The following IL1R2 variants were observed in gnomAD, a reference collection of about 807,000 sequenced individuals.
IL1R2 encodes interleukin 1 receptor type 2.
Under a neutral mutation model 39.5 loss-of-function variants are expected in IL1R2, and 46 were observed. The observed-to-expected ratio is 1.16, with a 90% CI of 0.92 to 1.49. IL1R2 has a LOEUF of 1.49. Ranked by LOEUF, IL1R2 falls within the 40% of genes most tolerant of loss-of-function variation. The pLI, the probability that IL1R2 is intolerant of heterozygous loss-of-function variation, is 0.00. For missense variants in IL1R2, 537 were observed against 502.0 expected, an observed-to-expected ratio of 1.07 and a Z score of -0.67; for synonymous variants, 207 against 189.6, an observed-to-expected ratio of 1.09 and a Z score of -0.75.
At chr2:102,025,508 A>G (rs1236456076) in intron 7 of IL1R2, among the ~76,000 whole-genome samples, 3 of 152,202 alleles carry the variant, frequency 2.0e-5, no homozygotes, top group Non-Finnish European at 2.9e-5. Context: ...CCCCCTACAA[A>G]TAGAACAAAA....
At chr2:102,002,732 A>T (rs111207470) in intron 1 of IL1R2, among the ~76,000 whole-genome samples, 1 of 151,270 alleles carries the variant, frequency 6.6e-6, no homozygotes, top group Non-Finnish European at 1.5e-5. Flanking sequence ...GCCTATGCCT[A>T]TGTCTATGTC....
rs369088604 is a variant in IL1R2, at chr2:102,024,574, G to A, written c.793G>A (p.Gly265Ser). The change falls in exon 7 of 9, where the codon GGC becomes AGC. Residue 265 changes from glycine to serine, a missense_variant. Transcript: ENST00000332549. ...TIPCKVFLGT[G>S]TPLTTMLWWT... is the part of the protein sequence containing the mutation. The stretch of plus-strand genomic sequence containing the variant: ...CCCGTGTAAGGTGTTTCTGGGAACC[G>A]GCACACCCTTAACCACCATGCTGTG... The A allele has an allele frequency of 2.0e-5, 33 of 1,613,880 alleles. No individual in the cohort carries two copies. Among genetic ancestry groups the A allele is most frequent in the African/African-American group, 4.0e-5 (3 of 74,850 alleles).
intron 1 of IL1R2, among the ~76,000 whole-genome samples, chr2:101,998,813 C>G (rs539073918): frequency 1.1e-4 from 17 of 152,316 alleles, no homozygotes; most frequent in African/African-American, 3.1e-4. Flanking sequence ...GAAGCAAGCA[C>G]CCCTTGGAAA....
chr2:101,999,612 C>G (rs748921639), intron 1 of IL1R2, among the ~76,000 whole-genome samples: 1 of 152,186 alleles, frequency 6.6e-6, no homozygotes, highest in Non-Finnish European at 1.5e-5. Context: ...TGCAAGAGAC[C>G]TGGGAGGTCT....
intron 3 of IL1R2, 33 bp downstream of exon 3, chr2:102,009,859 T>A (rs1676510614): frequency 1.2e-6 from 2 of 1,607,262 alleles, no homozygotes; most frequent in East Asian, 4.5e-5. Flanking sequence ...GGGGAGGGGA[T>A]CCTGGCAGGA....
chr2:102,013,554 G>GAAAAAAAAAAAAAAAAAA (rs1577711343), intron 3 of IL1R2, among the ~76,000 whole-genome samples: 14 of 31,660 alleles, frequency 4.4e-4, no homozygotes, highest in South Asian at 1.1e-3. Context: ...AAAAAAAAAG[G>GAAAAAAAAAAAAAAAAAA]AAAGAAAGAA....
chr2:102,005,447 C>T (rs905851608), intron 1 of IL1R2, among the ~76,000 whole-genome samples: 2 of 152,178 alleles, frequency 1.3e-5, no homozygotes, highest in African/African-American at 4.8e-5. Context: ...TGGGAATAGG[C>T]TTGGCTGTGC....
In IL1R2 at chr2:102,019,801, T is replaced by C. The variant is rs1677249018; in HGVS notation, c.677T>C (p.Leu226Pro). Residue 226 changes from leucine to proline, a missense_variant, in exon 5 of 9, where the codon CTA becomes CCA. By Grantham distance (98) the Leu-to-Pro change is moderately conservative. Transcript: ENST00000332549. Reference sequence around the variant, plus strand: ...TACAACATCACTAGGAGTATTGAGCTACGCATCAAGAGTAAGTACTTGCCA... The same window carrying C: ...TACAACATCACTAGGAGTATTGAGCCACGCATCAAGAGTAAGTACTTGCCA... Reference protein sequence around the residue: ...QQYNITRSIELRIKKKKEETI... With the variant: ...QQYNITRSIEPRIKKKKEETI... 3.1e-6 allele frequency: 5 copies of C among 1,613,684 alleles called. No individual in the cohort carries two copies. The highest frequency in any genetic ancestry group is 4.2e-6 in the Non-Finnish European group (5 of 1,179,804).
At chr2:102,005,181 G>A (rs972875598) in intron 1 of IL1R2, among the ~76,000 whole-genome samples, 2 of 152,174 alleles carry the variant, frequency 1.3e-5, no homozygotes, top group Non-Finnish European at 2.9e-5. Flanking sequence ...TTTAAACATG[G>A]TTACAAACCT....
At position 102,019,678 on chromosome 2, in the gene IL1R2, G is replaced by A. The variant is rs757725278; in HGVS notation, c.554G>A (p.Ser185Asn). The A allele has an allele frequency of 6.2e-7, 1 of 1,613,798 alleles. No individual in the cohort carries two copies. Among genetic ancestry groups the A allele is most frequent in the South Asian group, 1.1e-5 (1 of 91,018 alleles). The change falls in exon 5 of 9, where the codon AGT (serine) becomes AAT (asparagine). Residue 185 changes from serine to asparagine, a missense_variant. Ser to Asn is a conservative substitution (Grantham distance 46, BLOSUM62 1). Transcript: ENST00000332549. ...GATAAAGACAATGAGAAATTTCTAA[G>A]TGTGAGGGGGACCACTCACTTACTC... ...LLDKDNEKFL[S>N]VRGTTHLLVH... is the part of the protein sequence containing the mutation.
At chr2:102,005,859 G>A (rs1232202273) in intron 1 of IL1R2, among the ~76,000 whole-genome samples, 1 of 152,206 alleles carries the variant, frequency 6.6e-6, no homozygotes, top group Non-Finnish European at 1.5e-5. Flanking sequence ...CATAGAAGGT[G>A]TATTTTCAAA....
chr2:102,027,233 C>T (rs923626241), intron 8 of IL1R2, among the ~76,000 whole-genome samples: 1 of 152,186 alleles, frequency 6.6e-6, no homozygotes, highest in Non-Finnish European at 1.5e-5. Flanking sequence ...TGAGGGCACA[C>T]ATGTGAAGGG....
At chr2:102,020,052 A>T (rs971967284) in intron 5 of IL1R2, among the ~76,000 whole-genome samples, 10 of 152,202 alleles carry the variant, frequency 6.6e-5, no homozygotes, top group African/African-American at 2.2e-4. Context: ...GGGTTGCAAG[A>T]TGAAGGCTAA....
In IL1R2 at chr2:102,020,801, A is replaced by AGCC. The variant is rs573096990; in HGVS notation, c.688+993_688+995dup. Among the ~76,000 whole-genome samples, 15 of 152,290 alleles carry AGCC rather than the reference A, an allele frequency of 9.8e-5. No individual in the cohort carries two copies. In the South Asian group the frequency reaches 3.1e-3, roughly 32 times the overall value. ...ATACTGTGCATGAACACTAGGGGGC[A>AGCC]GCCGCCCTACATGCCTGTCTGTGTT... On this transcript the variant is annotated intron_variant, in intron 5 of 8. Transcript: ENST00000332549.
chr2:102,017,129 G>A (rs915678198), intron 4 of IL1R2, among the ~76,000 whole-genome samples: 5 of 151,942 alleles, frequency 3.3e-5, no homozygotes, highest in African/African-American at 1.2e-4. Context: ...TGGGCGTGGT[G>A]GCTCACACCT....
At chr2:102,024,790 A>C in intron 7 of IL1R2, 122 bp downstream of exon 7, 1 of 1,206,416 alleles carries the variant, frequency 8.3e-7, no homozygotes, top group Middle Eastern at 2.6e-4. Flanking sequence ...AAACTGTTGG[A>C]TGTTTAGAAT....
chr2:102,024,409 A>G (rs3218974), intron 6 of IL1R2, 124 bp from the exon 7 acceptor site: 189,920 of 695,656 alleles, frequency 0.27, 27,249 homozygotes, highest in Admixed American at 0.32. Flanking sequence ...TAAATTTTCT[A>G]CCAAGGAAAG....
intron 4 of IL1R2, among the ~76,000 whole-genome samples, chr2:102,018,183 A>G (rs2236929): frequency 0.17 from 26,586 of 152,064 alleles, 2,854 homozygotes; most frequent in African/African-American, 0.29. Flanking sequence ...TGATCCTTCC[A>G]CCTCAGCTTC....
intron 1 of IL1R2, among the ~76,000 whole-genome samples, chr2:101,992,471 A>C (rs1252989989): frequency 1.3e-5 from 2 of 150,276 alleles, no homozygotes; most frequent in Non-Finnish European, 1.5e-5. Context: ...ACAGACAGAG[A>C]GACAGAGAGA....
Sources: gnomAD v4.1 joint callset for allele counts (sites outside exome capture counted in the v4.1 genomes callset) on GRCh38, gnomAD v4.1.1 for gene constraint, MANE v1.5 for transcripts, NCBI Gene and HGNC (gene_info 2026-07-23, HGNC 2026-07-21) for gene names.